LDLRAD4: variants seen among roughly 807,000 people sequenced by gnomAD.
LDLRAD4 encodes the protein low density lipoprotein receptor class A domain containing 4, also known as low-density lipoprotein receptor class A domain-containing protein 4.
In LDLRAD4, 5 loss-of-function variants were observed where a neutral mutation model predicts 17.0. That is an observed-to-expected ratio of 0.29 (90% CI 0.15 to 0.62). The LOEUF is 0.62. Among genes scored for constraint, LDLRAD4 ranks in the 20% least tolerant of loss-of-function variants. LDLRAD4 has a pLI of 0.84. For synonymous variants in LDLRAD4, 168 were observed against 171.8 expected, an observed-to-expected ratio of 0.98 and a Z score of 0.17; for missense variants, 340 against 424.7, an observed-to-expected ratio of 0.80 and a Z score of 1.75.
At chr18:13,551,755 C>T (rs1057051996) in intron 3 of LDLRAD4, among the ~76,000 whole-genome samples, 5 of 152,126 alleles carry the variant, frequency 3.3e-5, no homozygotes, top group African/African-American at 7.2e-5. Flanking sequence ...ATGGGCCTAT[C>T]AAGTGAGCAG....
chr18:13,580,741 T>A (rs575574607), intron 3 of LDLRAD4, among the ~76,000 whole-genome samples: 2 of 152,288 alleles, frequency 1.3e-5, no homozygotes, highest in Admixed American at 6.5e-5. Context: ...GACTTCTTAA[T>A]AGCCACAGGT....
At chr18:13,472,840 C>G (rs975265630) in intron 3 of LDLRAD4, 2 of 152,198 alleles carry the variant, frequency 1.3e-5, no homozygotes, top group Non-Finnish European at 2.9e-5. Flanking sequence ...TAGTTAACAG[C>G]GAGCACATCT....
intron 1 of LDLRAD4, among the ~76,000 whole-genome samples, chr18:13,303,282 T>G (rs944525511): frequency 6.6e-6 from 1 of 152,232 alleles, no homozygotes; most frequent in Non-Finnish European, 1.5e-5. Context: ...GGTCTCACTC[T>G]GATGCCCAGG....
chr18:13,538,819 C>A (rs2094236254), intron 3 of LDLRAD4, among the ~76,000 whole-genome samples: 1 of 152,232 alleles, frequency 6.6e-6, no homozygotes, highest in East Asian at 1.9e-4. Flanking sequence ...AGCCACTGTG[C>A]CTGGCCTTAT....
At chr18:13,563,347 A>G (rs1370782428) in intron 3 of LDLRAD4, among the ~76,000 whole-genome samples, 1 of 152,182 alleles carries the variant, frequency 6.6e-6, no homozygotes, top group Non-Finnish European at 1.5e-5. Context: ...ATGAAAATCC[A>G]TCCAGCCATG....
intron 1 of LDLRAD4, among the ~76,000 whole-genome samples, chr18:13,233,697 C>T (rs1336100978): frequency 6.6e-6 from 1 of 152,102 alleles, no homozygotes; most frequent in Non-Finnish European, 1.5e-5. Flanking sequence ...ACCTTATACT[C>T]ACAGCTGGAG....
chr18:13,533,850 A>T (rs141502452), intron 3 of LDLRAD4, among the ~76,000 whole-genome samples: 3 of 152,320 alleles, frequency 2.0e-5, no homozygotes, highest in African/African-American at 7.2e-5. Flanking sequence ...ACTGAACAGT[A>T]AAGGACCGGG....
intron 1 of LDLRAD4, among the ~76,000 whole-genome samples, chr18:13,385,856 T>C (rs1437255251): frequency 6.6e-6 from 1 of 152,254 alleles, no homozygotes; most frequent in Non-Finnish European, 1.5e-5. Flanking sequence ...TTTACACAAA[T>C]AATTTATTTT....
chr18:13,230,093 G>A (rs1306926415), intron 1 of LDLRAD4, among the ~76,000 whole-genome samples: 1 of 152,208 alleles, frequency 6.6e-6, no homozygotes, highest in African/African-American at 2.4e-5. Flanking sequence ...TCTCCCTCAT[G>A]TGTGGGATTA....
chr18:13,512,444 G>T (rs946981218), intron 3 of LDLRAD4, among the ~76,000 whole-genome samples: 2 of 152,200 alleles, frequency 1.3e-5, no homozygotes, highest in East Asian at 1.9e-4. Context: ...AGTGGAAAAG[G>T]TTGTGTGCTT....
chr18:13,573,136 G>A (rs191927675), intron 3 of LDLRAD4, among the ~76,000 whole-genome samples: 245 of 152,046 alleles, frequency 1.6e-3, no homozygotes, highest in Admixed American at 3.0e-3. Flanking sequence ...ACGGAGTCTC[G>A]CTCTGTTGCC....
At chr18:13,217,879 T>C (rs1367533627), upstream of LDLRAD4, 2 of 150,528 alleles carry the variant, frequency 1.3e-5, no homozygotes, top group African/African-American at 4.9e-5. The surrounding 1 kb of genome is among the most constrained non-coding windows in gnomAD (Gnocchi z 4.9). Flanking sequence ...AGGCTGCGGG[T>C]GCCTGGGAAA....
intron 1 of LDLRAD4, among the ~76,000 whole-genome samples, chr18:13,263,368 G>A (rs572020346): frequency 6.6e-6 from 1 of 152,146 alleles, no homozygotes. Flanking sequence ...CATCCTGTGC[G>A]ACTCTATGTG....
In LDLRAD4 at chr18:13,361,124, C is replaced by A. The variant is rs564679618; in HGVS notation, c.-382-26217C>A. ...CATCAGGAAGACCGTCAGCAGGGGT[C>A]CCCTCCCGTTTTGACTCAAAATACA... On this transcript the variant is annotated intron_variant, in intron 1 of 5. Coordinates refer to ENST00000359446, the Ensembl canonical transcript of LDLRAD4. 1.6e-4 allele frequency among the ~76,000 whole-genome samples: 24 copies of A among 152,280 alleles called. 1 individual carries two copies. The highest frequency in any genetic ancestry group is 4.1e-4 in the African/African-American group (17 of 41,536).
intron 1 of LDLRAD4, among the ~76,000 whole-genome samples, chr18:13,308,951 G>A (rs6505798): frequency 0.43 from 66,012 of 152,112 alleles, 15,541 homozygotes; most frequent in African/African-American, 0.63. Flanking sequence ...TAGAACCACT[G>A]TAGCCAAAAG....
chr18:13,548,937 T>C (rs1205931978), intron 3 of LDLRAD4, among the ~76,000 whole-genome samples: 1 of 152,272 alleles, frequency 6.6e-6, no homozygotes, highest in Non-Finnish European at 1.5e-5. Context: ...TTTTTCATTT[T>C]ACCATCTCAA....
At chr18:13,343,672 T>C (rs2082510183) in intron 1 of LDLRAD4, among the ~76,000 whole-genome samples, 1 of 152,230 alleles carries the variant, frequency 6.6e-6, no homozygotes, top group African/African-American at 2.4e-5. Context: ...ACTTCCACAA[T>C]GGTTGAACTA....
intron 3 of LDLRAD4, among the ~76,000 whole-genome samples, chr18:13,557,063 G>A (rs923220678): frequency 6.6e-6 from 1 of 152,162 alleles, no homozygotes; most frequent in Non-Finnish European, 1.5e-5. Flanking sequence ...GGGATGCCAA[G>A]GCAGGAGGAT....
chr18:13,229,225 C>T (rs2041951919), intron 1 of LDLRAD4, among the ~76,000 whole-genome samples: 2 of 152,174 alleles, frequency 1.3e-5, no homozygotes, highest in Non-Finnish European at 2.9e-5. Context: ...TGAGGGCTTG[C>T]CATGGGCAGT....
Sources: allele counts gnomAD v4.1 joint callset (sites outside exome capture counted in the v4.1 genomes callset), GRCh38; gene constraint gnomAD v4.1.1; non-coding constraint Gnocchi (gnomAD v3.1); transcripts MANE v1.5; gene names NCBI Gene and HGNC (gene_info 2026-07-23, HGNC 2026-07-21).